CDK17: variants seen among roughly 807,000 people sequenced by gnomAD.
CDK17 encodes the protein cyclin-dependent kinase 17.
Under a neutral mutation model 77.6 loss-of-function variants are expected in CDK17, and 24 were observed. That is an observed-to-expected ratio of 0.31 (90% confidence interval 0.22 to 0.44). The LOEUF (loss-of-function observed/expected upper bound fraction) is 0.44. Ranked by LOEUF, CDK17 falls within the 20% of genes least tolerant of loss-of-function variation. The pLI is 1.00. For missense variants in CDK17, 429 were observed against 622.5 expected (o/e 0.69, Z 3.31); for synonymous variants, 203 against 210.4 (o/e 0.96, Z 0.30).
At chr12:96,355,553 C>T (rs1171997886) in intron 1 of CDK17, among the ~76,000 whole-genome samples, 1 of 151,794 alleles carries the variant, frequency 6.6e-6, no homozygotes, top group Non-Finnish European at 1.5e-5. Context: ...TACAGGCACG[C>T]GCTACCATGT....
chr12:96,298,261 T>A (rs904554266), intron 7 of CDK17, among the ~76,000 whole-genome samples: 2 of 151,564 alleles, frequency 1.3e-5, no homozygotes, highest in Admixed American at 1.3e-4. Context: ...CACTCCAGCC[T>A]GGGCAACAGA....
intron 1 of CDK17, among the ~76,000 whole-genome samples, chr12:96,352,794 G>A (rs1039272593): frequency 1.3e-5 from 2 of 152,206 alleles, no homozygotes; most frequent in Admixed American, 1.3e-4. Context: ...GATGTAATAT[G>A]AAGTCTTTCA....
intron 5 of CDK17, among the ~76,000 whole-genome samples, chr12:96,301,116 C>T (rs1033659298): frequency 6.6e-6 from 1 of 151,884 alleles, no homozygotes; most frequent in Non-Finnish European, 1.5e-5. Flanking sequence ...TTGTTTCAGG[C>T]TTTCCAATCA....
At chr12:96,349,326 G>A (rs1396552222) in intron 1 of CDK17, among the ~76,000 whole-genome samples, 1 of 152,052 alleles carries the variant, frequency 6.6e-6, no homozygotes, top group Non-Finnish European at 1.5e-5. Flanking sequence ...GGTGGCGCAT[G>A]CCTGTAATCC....
At chr12:96,376,339 C>T (rs201384495) in intron 1 of CDK17, among the ~76,000 whole-genome samples, 5 of 152,236 alleles carry the variant, frequency 3.3e-5, no homozygotes, top group Non-Finnish European at 7.3e-5. Context: ...TCATGATCCT[C>T]ACCTAATTCT....
intron 1 of CDK17, among the ~76,000 whole-genome samples, chr12:96,373,464 G>A (rs1953725753): frequency 6.6e-6 from 1 of 151,838 alleles, no homozygotes; most frequent in Non-Finnish European, 1.5e-5. Flanking sequence ...CGTGGTGGCA[G>A]GCACCTGTAA....
At chr12:96,297,819 T>C (rs1229402965) in intron 7 of CDK17, 98 bp from the exon 8 acceptor site, 11 of 685,272 alleles carry the variant, frequency 1.6e-5, no homozygotes, top group Non-Finnish European at 2.8e-5. Flanking sequence ...TTCTCTTAAG[T>C]TTAGGTCTTG....
chr12:96,345,819 T>C (rs1244044252), intron 1 of CDK17, among the ~76,000 whole-genome samples: 1 of 152,092 alleles, frequency 6.6e-6, no homozygotes, highest in African/African-American at 2.4e-5. Flanking sequence ...ATTAGAATGG[T>C]ATGCTATTTT....
chr12:96,366,257 C>T (rs1156591815), intron 1 of CDK17, among the ~76,000 whole-genome samples: 1 of 152,166 alleles, frequency 6.6e-6, no homozygotes, highest in Non-Finnish European at 1.5e-5. Context: ...AGACATTCCA[C>T]CAGAGAACTA....
At chr12:96,357,377 G>A (rs1422124294) in intron 1 of CDK17, among the ~76,000 whole-genome samples, 6 of 152,082 alleles carry the variant, frequency 3.9e-5, no homozygotes, top group Admixed American at 1.3e-4. Flanking sequence ...CAGGAGAATC[G>A]CTTGAGCCCA....
chr12:96,367,876 T>C (rs1287110388), intron 1 of CDK17, among the ~76,000 whole-genome samples: 1 of 149,574 alleles, frequency 6.7e-6, no homozygotes, highest in Non-Finnish European at 1.5e-5. Flanking sequence ...AAAAAATCCC[T>C]TATAGTGACT....
rs563675519 is a variant in CDK17 at position 96,343,353 on chromosome 12, G to T, written c.-29-8488C>A. Among the ~76,000 whole-genome samples the T allele has an allele frequency of 3.3e-5, 5 of 152,312 alleles. No homozygotes were observed. In the South Asian group the frequency reaches 1.0e-3, roughly 32 times the overall value. On this transcript the variant is annotated intron_variant, in intron 1 of 16. Coordinates refer to ENST00000261211, the MANE Select transcript of CDK17 (RefSeq NM_002595.5). Reference sequence around the variant, plus strand: ...TTCTCAGCTTTGCCACAACAGTAAGGAATAGCAGCCCCCATCTCTGGAGCG... The same window carrying T: ...TTCTCAGCTTTGCCACAACAGTAAGTAATAGCAGCCCCCATCTCTGGAGCG...
rs573955023 is a variant in CDK17, at chr12:96,400,006, G to A, written c.-50C>T. Reference sequence around the variant, plus strand: ...CTCACCAGCAAGAGCGGGGACCGCGGGTCCCGAGGCGAGGCGAAGAGAGGC... The same window carrying A: ...CTCACCAGCAAGAGCGGGGACCGCGAGTCCCGAGGCGAGGCGAAGAGAGGC... On this transcript the variant is annotated 5_prime_UTR_variant, in exon 1 of 17. Transcript: ENST00000261211. 2.8e-4 allele frequency: 107 copies of A among 383,426 alleles called. No homozygotes were observed. The East Asian group carries it at 3.5e-3, about 12-fold the overall frequency. The allele number at this position is 383,426 out of a possible 1,614,324, so 23.8% of individuals were successfully genotyped here.
At chr12:96,350,346 TAA>T (rs773469994) in intron 1 of CDK17, among the ~76,000 whole-genome samples, 19 of 129,716 alleles carry the variant, frequency 1.5e-4, no homozygotes, top group Non-Finnish European at 1.5e-4. Flanking sequence ...GTCTCAAATT[TAA>T]AAAAAAAAAA....
chr12:96,399,738 GCAGA>G (rs992492817), intron 1 of CDK17, among the ~76,000 whole-genome samples: 2 of 152,054 alleles, frequency 1.3e-5, no homozygotes, highest in Non-Finnish European at 2.9e-5. Context: ...GAAGCAGCTC[GCAGA>G]CACTCACACC....
At chr12:96,313,929 T>G (rs1202413224) in intron 3 of CDK17, among the ~76,000 whole-genome samples, 1 of 152,206 alleles carries the variant, frequency 6.6e-6, no homozygotes, top group Non-Finnish European at 1.5e-5. Context: ...CTTGGAATAT[T>G]CTTTAAAACA....
intron 5 of CDK17, among the ~76,000 whole-genome samples, chr12:96,302,558 A>G (rs1952522438): frequency 6.6e-6 from 1 of 152,184 alleles, no homozygotes; most frequent in Admixed American, 6.5e-5. Flanking sequence ...AGTATGAACA[A>G]AAGAATGAAT....
intron 4 of CDK17, among the ~76,000 whole-genome samples, chr12:96,312,253 GGT>G (rs548544312): frequency 8.9e-4 from 135 of 152,104 alleles, no homozygotes; most frequent in Non-Finnish European, 1.5e-3. Flanking sequence ...CTCCAGTCTG[GGT>G]GACAGAGTGA....
chr12:96,315,273 C>G (rs1952695573), intron 3 of CDK17, among the ~76,000 whole-genome samples: 1 of 152,166 alleles, frequency 6.6e-6, no homozygotes, highest in South Asian at 2.1e-4. Context: ...TATATCAACT[C>G]TATCTTAAAA....
Sources: allele counts gnomAD v4.1 joint callset (sites outside exome capture counted in the v4.1 genomes callset), GRCh38; gene constraint gnomAD v4.1.1; transcripts MANE v1.5; gene names NCBI Gene and HGNC (gene_info 2026-07-23, HGNC 2026-07-21).